The following IP6K1 variants were observed in gnomAD, a reference collection of about 807,000 sequenced individuals.
IP6K1 encodes inositol hexakisphosphate kinase 1.
A neutral mutation model predicts 38.3 loss-of-function variants in IP6K1; 13 were observed. That is an observed-to-expected ratio of 0.34 (90% CI 0.22 to 0.54). The LOEUF is 0.54. Ranked by LOEUF, IP6K1 falls within the 20% of genes least tolerant of loss-of-function variation. The pLI is 0.92. For synonymous variants in IP6K1, 212 were observed against 229.9 expected (o/e 0.92, Z 0.70); for missense variants, 397 against 599.8 (o/e 0.66, Z 3.53).
chr3:49,731,903 A>AAAAAAAAAAAAAAAAAAAAAAAAC (rs2080565913), intron 4 of IP6K1, among the ~76,000 whole-genome samples: 1 of 149,492 alleles, frequency 6.7e-6, no homozygotes. Context: ...AAAAAAAAAA[A>AAAAAAAAAAAAAAAAAAAAAAAAC]AAGGAATTCC....
At chr3:49,731,887 C>CCAAAAAAAAAAAAAAAAAAA (rs2080564938) in intron 4 of IP6K1, among the ~76,000 whole-genome samples, 1 of 65,342 alleles carries the variant, frequency 1.5e-5, no homozygotes, top group Non-Finnish European at 2.9e-5. Flanking sequence ...GACTCTGTCT[C>CCAAAAAAAAAAAAAAAAAAA]AAAAAAAAAA....
intron 3 of IP6K1, among the ~76,000 whole-genome samples, chr3:49,734,322 TGAAGCCATGTGCCCTGCAAATTACAGAGC>T (rs1432467584): frequency 6.6e-6 from 1 of 150,632 alleles, no homozygotes; most frequent in African/African-American, 2.4e-5. Context: ...AAACTACTGG[TGAAGCCATGTGCCCTGCAAATTACAGAGC>T]AAGCCTGCAG....
At chr3:49,761,129 C>G (rs572567108) in intron 1 of IP6K1, among the ~76,000 whole-genome samples, 26 of 147,956 alleles carry the variant, frequency 1.8e-4, no homozygotes, top group African/African-American at 6.5e-4. Context: ...TCCTGGCCAA[C>G]ACGGTGAAAC....
intron 2 of IP6K1, among the ~76,000 whole-genome samples, chr3:49,739,673 T>C (rs2080647653): frequency 6.6e-6 from 1 of 151,904 alleles, no homozygotes; most frequent in Non-Finnish European, 1.5e-5. Flanking sequence ...TATAATATTC[T>C]TCTTCTTCTT....
In IP6K1 at chr3:49,727,127, G is replaced by A. The variant is rs756182894; in HGVS notation, c.1321C>T (p.Gln441Ter). The part of the protein sequence containing the change: ...SIMEQMRDEN[Q>*] ...CTGGGGGCCCAGAACAGGGCCTACT[G>A]GTTCTCGTCCCGCATCTGTTCCATG... The change falls in exon 6 of 6, where the codon CAG (glutamine) becomes TAG (stop). Residue 441 changes from glutamine to a stop codon, truncating the protein, a stop_gained. Transcript: ENST00000321599. LOFTEE classifies it high-confidence loss of function. The surrounding 1 kb of genome is among the most constrained non-coding windows in gnomAD (Gnocchi z 5.9). 2 of 1,600,092 alleles carry A rather than the reference G, an allele frequency of 1.2e-6. No homozygotes were observed. The highest frequency in any genetic ancestry group is 1.7e-6 in the Non-Finnish European group (2 of 1,171,004).
chr3:49,771,782 A>G (rs1279559188), intron 1 of IP6K1, among the ~76,000 whole-genome samples: 1 of 152,222 alleles, frequency 6.6e-6, no homozygotes, highest in Non-Finnish European at 1.5e-5. Flanking sequence ...CAAACACTGG[A>G]AACAGCCCAA....
chr3:49,750,714 A>AT lies in IP6K1; in HGVS notation c.-128-2547_-128-2546insA, dbSNP rs550214535. ...GACTCCTCAAAAAAGAAAAAAAAAA[A>AT]AATTGAAATAGCCCTTCCCCTGACT... On this transcript the variant is annotated intron_variant, in intron 1 of 5. Coordinates refer to ENST00000321599, the MANE Select transcript of IP6K1 (RefSeq NM_153273.4). Among the ~76,000 whole-genome samples the AT allele has an allele frequency of 6.1e-3, 930 of 152,100 alleles. 4 individuals carry two copies. The highest frequency in any genetic ancestry group is 0.01 in the Non-Finnish European group (684 of 67,968).
intron 1 of IP6K1, among the ~76,000 whole-genome samples, chr3:49,772,224 A>AAT (rs368746245): frequency 0.02 from 2,811 of 142,908 alleles, 50 homozygotes; most frequent in South Asian, 0.099. Context: ...TAAAAAAAAA[A>AAT]ATATATATAT....
At chr3:49,773,483 C>T (rs1228425875) in intron 1 of IP6K1, among the ~76,000 whole-genome samples, 4 of 152,172 alleles carry the variant, frequency 2.6e-5, no homozygotes, top group South Asian at 2.1e-4. Flanking sequence ...TGGTGGCGGG[C>T]GCCTGTAGTC....
intron 1 of IP6K1, among the ~76,000 whole-genome samples, chr3:49,765,649 A>C (rs1375756912): frequency 1.3e-5 from 2 of 150,638 alleles, no homozygotes; most frequent in South Asian, 2.1e-4. Context: ...TCGTCTTAAA[A>C]AAAAAAAAAA....
chr3:49,763,101 T>C (rs1232009166), intron 1 of IP6K1, among the ~76,000 whole-genome samples: 1 of 151,112 alleles, frequency 6.6e-6, no homozygotes, highest in African/African-American at 2.4e-5. Flanking sequence ...AGGTCAATTA[T>C]TTCTTTTTTT....
At chr3:49,729,738 TA>T (rs1281070178) in intron 4 of IP6K1, among the ~76,000 whole-genome samples, 1 of 150,842 alleles carries the variant, frequency 6.6e-6, no homozygotes, top group Non-Finnish European at 1.5e-5. Context: ...TATTTTTTAT[TA>T]TTTTTTTTGA....
chr3:49,776,933 T>A (rs138337374), intron 1 of IP6K1, among the ~76,000 whole-genome samples: 3 of 152,260 alleles, frequency 2.0e-5, no homozygotes, highest in African/African-American at 7.2e-5. Context: ...CTTCTATGAC[T>A]AACTGACATC....
In IP6K1 at chr3:49,748,004, C is replaced by A; in HGVS notation, c.37G>T (p.Gly13Cys). The A allele has an allele frequency of 6.2e-7, 1 of 1,613,794 alleles. No individual in the cohort carries two copies. The highest frequency in any genetic ancestry group is 2.2e-5 in the East Asian group (1 of 44,886). The change falls in exon 2 of 6, where the codon GGC (glycine) becomes TGC (cysteine). Residue 13 changes from glycine (G) to cysteine (C), a missense_variant. Gly to Cys is a radical substitution (Grantham distance 159). Around this residue, in one of 3 missense-constraint regions of IP6K1, gnomAD observed 171 missense variants for 237.0 expected, o/e 0.72. Transcript: ENST00000321599. Reference sequence around the variant, plus strand: ...TCTCCAGCCCGACTTGCATTCTTGCCATACTGCCCCACTTCCATGGTTTGA... The same window carrying A: ...TCTCCAGCCCGACTTGCATTCTTGCAATACTGCCCCACTTCCATGGTTTGA... ...VCQTMEVGQY[G>C]KNASRAGDRG... is the part of the protein sequence containing the mutation.
intron 3 of IP6K1, 108 bp from the exon 4 acceptor site, chr3:49,733,080 G>C (rs2080578238): frequency 2.9e-5 from 21 of 732,800 alleles, no homozygotes; most frequent in Non-Finnish European, 4.6e-5. Flanking sequence ...CACAGACCCT[G>C]CTAATGGGTT....
intron 1 of IP6K1, among the ~76,000 whole-genome samples, chr3:49,771,188 C>CA (rs35601566): frequency 0.024 from 1,702 of 72,398 alleles, 57 homozygotes; most frequent in East Asian, 0.23. Context: ...AACTCAGTAA[C>CA]AAAAAAAAAA....
chr3:49,739,954 G>C (rs2080651187), intron 2 of IP6K1, among the ~76,000 whole-genome samples: 1 of 152,088 alleles, frequency 6.6e-6, no homozygotes, highest in Non-Finnish European at 1.5e-5. Context: ...GACGGAGGTT[G>C]CAGTGAGCCA....
At chr3:49,734,315 C>A (rs1324169422) in intron 3 of IP6K1, among the ~76,000 whole-genome samples, 1 of 151,554 alleles carries the variant, frequency 6.6e-6, no homozygotes, top group African/African-American at 2.4e-5. Context: ...GAAAACCAAA[C>A]TACTGGTGAA....
At chr3:49,756,436 TAAG>T (rs1356172574) in intron 1 of IP6K1, among the ~76,000 whole-genome samples, 2 of 152,138 alleles carry the variant, frequency 1.3e-5, no homozygotes, top group Non-Finnish European at 2.9e-5. Flanking sequence ...TCAAATGTAC[TAAG>T]AAGTGGGGGA....
Sources: allele counts gnomAD v4.1 joint callset (sites outside exome capture counted in the v4.1 genomes callset), GRCh38; gene constraint gnomAD v4.1.1; regional missense constraint gnomAD v4.1.1; non-coding constraint Gnocchi (gnomAD v3.1); transcripts MANE v1.5; gene names NCBI Gene and HGNC (gene_info 2026-07-23, HGNC 2026-07-21).